TRAP1: variants seen among roughly 807,000 people sequenced by gnomAD.
TRAP1 encodes the protein heat shock protein 75 kDa, mitochondrial.
In TRAP1, 102 loss-of-function variants were observed where a neutral mutation model predicts 89.1. The observed-to-expected ratio is 1.15, with a 90% CI of 0.98 to 1.35. TRAP1 has a LOEUF of 1.35. Ranked by LOEUF, TRAP1 falls within the 40% of genes most tolerant of loss-of-function variation. The pLI, the probability that TRAP1 is intolerant of heterozygous loss-of-function variation, is 0.00. For missense variants in TRAP1, 1,256 were observed against 945.3 expected, an observed-to-expected ratio of 1.33 and a Z score of -4.31; for synonymous variants, 508 against 388.0, an observed-to-expected ratio of 1.31 and a Z score of -3.64.
At chr16:3,702,714 T>C (rs866518159) in intron 1 of TRAP1, among the ~76,000 whole-genome samples, 1 of 151,210 alleles carries the variant, frequency 6.6e-6, no homozygotes, top group Non-Finnish European at 1.5e-5. Context: ...CACTGCACTC[T>C]AGCCTGGGTG....
At position 3,677,411 on chromosome 16, in the gene TRAP1, G is replaced by A. The variant is rs139793818; in HGVS notation, c.704+87C>T. ...AAAAGCCCAGAAAATGCCTGTGTACGTTTTCTGAGTCCATCCCTTTCCAAA... is the reference window on the plus strand; with the variant it reads ...AAAAGCCCAGAAAATGCCTGTGTACATTTTCTGAGTCCATCCCTTTCCAAA... On this transcript the variant is annotated intron_variant, in intron 6 of 17. Transcript: ENST00000246957. 2.5e-4 allele frequency: 389 copies of A among 1,550,660 alleles called. 3 individuals carry two copies. In the African/African-American group the frequency reaches 4.2e-3, roughly 17 times the overall value.
At chr16:3,696,702 C>T (rs530799282) in intron 1 of TRAP1, among the ~76,000 whole-genome samples, 3 of 151,530 alleles carry the variant, frequency 2.0e-5, no homozygotes, top group African/African-American at 4.8e-5. Context: ...GACTATAGGC[C>T]GTGTATTACC....
chr16:3,681,537 C>T (rs1434326660), intron 4 of TRAP1, among the ~76,000 whole-genome samples: 4 of 152,146 alleles, frequency 2.6e-5, no homozygotes, highest in African/African-American at 9.7e-5. Flanking sequence ...GGCTTCTGGG[C>T]AATTATTTCT....
chr16:3,715,331 G>C (rs1020302091), intron 1 of TRAP1, among the ~76,000 whole-genome samples: 8 of 152,070 alleles, frequency 5.3e-5, no homozygotes, highest in African/African-American at 1.9e-4. Flanking sequence ...CCAGCTACTC[G>C]GGAGGCTGAG....
intron 7 of TRAP1, among the ~76,000 whole-genome samples, chr16:3,675,801 G>T (rs1044803411): frequency 6.6e-6 from 1 of 152,230 alleles, no homozygotes; most frequent in Admixed American, 6.5e-5. Context: ...CCACGCAGAG[G>T]AAGGAGGAGG....
At chr16:3,683,666 G>A (rs904894446) in intron 4 of TRAP1, among the ~76,000 whole-genome samples, 6 of 151,604 alleles carry the variant, frequency 4.0e-5, no homozygotes, top group South Asian at 2.1e-4. Flanking sequence ...GATTACAAGC[G>A]TGAGCCACTG....
chr16:3,712,422 G>A (rs1187129449), intron 1 of TRAP1, among the ~76,000 whole-genome samples: 2 of 151,386 alleles, frequency 1.3e-5, no homozygotes, highest in Non-Finnish European at 2.9e-5. Context: ...ATGGGGGGCA[G>A]GAGTAAATGT....
intron 1 of TRAP1, among the ~76,000 whole-genome samples, chr16:3,705,209 C>A (rs984776870): frequency 6.6e-6 from 1 of 151,996 alleles, no homozygotes; most frequent in Non-Finnish European, 1.5e-5. Flanking sequence ...GGACTACAGG[C>A]GCCCGCCACC....
intron 16 of TRAP1, chr16:3,660,957 G>T (rs930436848): frequency 6.6e-6 from 1 of 151,932 alleles, no homozygotes; most frequent in East Asian, 1.9e-4. Flanking sequence ...TACATTGTGG[G>T]GGGGGTGGTA....
At chr16:3,664,776 C>T in intron 12 of TRAP1, 1 of 301,036 alleles carries the variant, frequency 3.3e-6, no homozygotes, top group Non-Finnish European at 6.2e-6. Flanking sequence ...CCAGCGTCTT[C>T]CCTCTGCCCT....
At chr16:3,697,556 T>C (rs1249484993) in intron 1 of TRAP1, among the ~76,000 whole-genome samples, 2 of 149,674 alleles carry the variant, frequency 1.3e-5, no homozygotes, top group Admixed American at 6.7e-5. Flanking sequence ...CCCAGCTACT[T>C]GGGAGGCTGA....
intron 1 of TRAP1, among the ~76,000 whole-genome samples, chr16:3,712,802 G>C (rs147498628): frequency 6.6e-6 from 1 of 152,304 alleles, no homozygotes; most frequent in African/African-American, 2.4e-5. Context: ...TTTTAGTAGA[G>C]ACGGGGTTTC....
intron 7 of TRAP1, 78 bp from the exon 8 acceptor site, chr16:3,675,475 AGC>A (rs1394495246): frequency 1.3e-5 from 19 of 1,419,780 alleles, no homozygotes; most frequent in Non-Finnish European, 1.9e-5. Flanking sequence ...CTCCAGGATG[AGC>A]GCCAGCCTGC....
chr16:3,661,657 A>G (rs145531299), intron 16 of TRAP1: 229 of 277,778 alleles, frequency 8.2e-4, no homozygotes, highest in African/African-American at 4.7e-3. Context: ...AGACTTCAGC[A>G]AACACCAAGA....
At chr16:3,691,812 A>T (rs1050120287) in intron 1 of TRAP1, among the ~76,000 whole-genome samples, 5 of 152,196 alleles carry the variant, frequency 3.3e-5, no homozygotes, top group African/African-American at 1.2e-4. Flanking sequence ...AAAAACTGAA[A>T]AACAGCTGAC....
chr16:3,714,074 C>A (rs939636670), intron 1 of TRAP1, among the ~76,000 whole-genome samples: 1 of 152,242 alleles, frequency 6.6e-6, no homozygotes, highest in African/African-American at 2.4e-5. Flanking sequence ...AGACATGGAA[C>A]GTTCCTCCCT....
intron 16 of TRAP1, chr16:3,660,855 T>G (rs947190475): frequency 6.6e-6 from 1 of 151,782 alleles, no homozygotes; most frequent in East Asian, 1.9e-4. Context: ...GGCCAGGAGG[T>G]AGAAGTTGCA....
chr16:3,672,922 G>T (rs749966001), intron 9 of TRAP1, 102 bp from the exon 10 acceptor site: 1 of 1,441,134 alleles, frequency 6.9e-7, no homozygotes, highest in Non-Finnish European at 9.2e-7. Context: ...GCCCACTCCC[G>T]CCTCGCCCTC....
intron 1 of TRAP1, among the ~76,000 whole-genome samples, chr16:3,704,717 GTTAAA>G (rs1382679810): frequency 6.6e-6 from 1 of 152,078 alleles, no homozygotes; most frequent in African/African-American, 2.4e-5. Context: ...ACAAAAAAAG[GTTAAA>G]TTAATTTCCA....
Sources: allele counts gnomAD v4.1 joint callset (sites outside exome capture counted in the v4.1 genomes callset), GRCh38; gene constraint gnomAD v4.1.1; transcripts MANE v1.5; gene names NCBI Gene and HGNC (gene_info 2026-07-23, HGNC 2026-07-21).